TMEM126A: variants seen among roughly 807,000 people sequenced by gnomAD.
TMEM126A encodes the protein optic atrophy 7.
Under a neutral mutation model 18.3 loss-of-function variants are expected in TMEM126A, and 10 were observed. The observed-to-expected ratio is 0.55, with a 90% CI of 0.34 to 0.93. The LOEUF (loss-of-function observed/expected upper bound fraction) is 0.93, where lower values mean the gene tolerates loss of function less well. Among genes scored for constraint, TMEM126A ranks in the 40% least tolerant of loss-of-function variants. TMEM126A has a pLI of 0.02. For missense variants in TMEM126A, 246 were observed against 230.2 expected (o/e 1.07, Z -0.44); for synonymous variants, 68 against 78.1 (o/e 0.87, Z 0.68).
chr11:85,655,498 A>C, intron 3 of TMEM126A, 96 bp from the exon 4 acceptor site: 1 of 929,934 alleles, frequency 1.1e-6, no homozygotes, highest in Non-Finnish European at 1.8e-6. Context: ...ATTACCTGAA[A>C]AATACCTGTG....
intron 3 of TMEM126A, chr11:85,655,324 A>G (rs968021480): frequency 5.5e-6 from 2 of 363,626 alleles, no homozygotes; most frequent in South Asian, 2.6e-5. Context: ...AACAAGGCAG[A>G]AAGCTAGCAG....
intron 3 of TMEM126A, 38 bp from the exon 4 acceptor site, chr11:85,655,556 A>G: frequency 6.9e-7 from 1 of 1,445,352 alleles, no homozygotes; most frequent in South Asian, 1.1e-5. Context: ...TTGCTTGACT[A>G]TCATGACCTT....
At chr11:85,651,992 T>C (rs1347187320) in intron 2 of TMEM126A, among the ~76,000 whole-genome samples, 1 of 152,146 alleles carries the variant, frequency 6.6e-6, no homozygotes, top group African/African-American at 2.4e-5. Context: ...GGCGAAACCC[T>C]ATCTCTACTA....
Position 85,656,448 on chromosome 11 carries a change from A to G in TMEM126A, c.535A>G (p.Lys179Glu). 1 of 1,613,382 alleles carries G rather than the reference A, an allele frequency of 6.2e-7. No homozygotes were observed. The highest frequency in any genetic ancestry group is 8.5e-7 in the Non-Finnish European group (1 of 1,179,636). The change falls in exon 5 of 5, where the codon AAA (lysine) becomes GAA (glutamate). Residue 179 changes from lysine to glutamate, a missense_variant. By Grantham distance (56) the Lys-to-Glu change is moderately conservative (BLOSUM62 1). Transcript: ENST00000304511. ...AGCATACCTTGGGTCTGAACAATAT[A>G]AACTACTTATAAAGGCCCTTCAGTT... is the stretch of plus-strand genomic sequence containing the variant. ...FSAYLGSEQY[K>E]LLIKALQLSE...
intron 2 of TMEM126A, 140 bp from the exon 3 acceptor site, chr11:85,653,923 T>C (rs564035659): frequency 1.0e-6 from 1 of 979,248 alleles, no homozygotes; most frequent in South Asian, 1.4e-5. Context: ...TATAAAGCAA[T>C]TTTTAAGATT....
chr11:85,652,559 T>G (rs921432529), intron 2 of TMEM126A, among the ~76,000 whole-genome samples: 8 of 152,332 alleles, frequency 5.3e-5, no homozygotes, highest in South Asian at 4.1e-4. Context: ...CTTGTGTATG[T>G]CTTATCAAAA....
At chr11:85,649,700 A>T (rs959290196) in intron 1 of TMEM126A, among the ~76,000 whole-genome samples, 1 of 152,196 alleles carries the variant, frequency 6.6e-6, no homozygotes, top group African/African-American at 2.4e-5. Context: ...TAGCTAACCT[A>T]TGGGTACCTA....
chr11:85,648,778 G>A (rs1389968153), intron 1 of TMEM126A, among the ~76,000 whole-genome samples: 1 of 152,116 alleles, frequency 6.6e-6, no homozygotes, highest in Non-Finnish European at 1.5e-5. Context: ...TTTAAGTCTA[G>A]AGATATGGAA....
At chr11:85,648,770 TAA>T (rs1297460255) in intron 1 of TMEM126A, among the ~76,000 whole-genome samples, 1 of 152,308 alleles carries the variant, frequency 6.6e-6, no homozygotes, top group Admixed American at 6.5e-5. Context: ...AGGTTAGCTT[TAA>T]GTCTAGAGAT....
Position 85,651,048 on chromosome 11 carries a change from G to A in TMEM126A, c.86+707G>A, listed in dbSNP as rs185084075. ...CACACCACTACACCCCAGCCTGGGC[G>A]ACAAGAGTGAGGATCCGTCTCAAAA... is the stretch of plus-strand genomic sequence containing the variant. On this transcript the variant is annotated intron_variant, in intron 2 of 4. Coordinates refer to ENST00000304511, the MANE Select transcript of TMEM126A (RefSeq NM_032273.4). Among the ~76,000 whole-genome samples the A allele has an allele frequency of 3.1e-3, 328 of 107,126 alleles. 1 individual carries two copies. The highest frequency in any genetic ancestry group is 0.012 in the African/African-American group (317 of 26,518). 70.3% of individuals were successfully genotyped at this position (107,126 alleles called of 152,430 possible).
At chr11:85,651,946 C>G (rs972061783) in intron 2 of TMEM126A, among the ~76,000 whole-genome samples, 2 of 152,136 alleles carry the variant, frequency 1.3e-5, no homozygotes, top group African/African-American at 4.8e-5. Context: ...GGCTGGTCAC[C>G]TGAGGTCAGG....
At chr11:85,649,044 C>T (rs1208753098) in intron 1 of TMEM126A, among the ~76,000 whole-genome samples, 1 of 151,486 alleles carries the variant, frequency 6.6e-6, no homozygotes, top group Non-Finnish European at 1.5e-5. Flanking sequence ...AAGCGATTCT[C>T]CTGCCTCAGC....
At chr11:85,650,445 T>G in intron 2 of TMEM126A, 104 bp downstream of exon 2, 1 of 909,668 alleles carries the variant, frequency 1.1e-6, no homozygotes, top group Non-Finnish European at 1.8e-6. Flanking sequence ...ACATGGAATG[T>G]GAGAAGGAAA....
At chr11:85,655,891 T>A (rs992297542) in intron 4 of TMEM126A, among the ~76,000 whole-genome samples, 183 bp downstream of exon 4, 2 of 152,196 alleles carry the variant, frequency 1.3e-5, no homozygotes, top group Non-Finnish European at 2.9e-5. Flanking sequence ...CAAACAGTTA[T>A]ACTTGGTGTG....
At chr11:85,655,500 A>T in intron 3 of TMEM126A, 94 bp from the exon 4 acceptor site, 1 of 932,876 alleles carries the variant, frequency 1.1e-6, no homozygotes, top group Non-Finnish European at 1.8e-6. Flanking sequence ...TACCTGAAAA[A>T]TACCTGTGAT....
intron 2 of TMEM126A, among the ~76,000 whole-genome samples, chr11:85,652,059 G>A (rs921339256): frequency 2.6e-5 from 4 of 152,220 alleles, no homozygotes; most frequent in Non-Finnish European, 5.9e-5. Context: ...ACCCACTGGA[G>A]AAGCTGAGGC....
At chr11:85,655,776 T>C (rs962394337) in intron 4 of TMEM126A, 68 bp downstream of exon 4, 35 of 1,226,692 alleles carry the variant, frequency 2.9e-5, no homozygotes, top group Non-Finnish European at 4.0e-5. Context: ...GCAGCAAATA[T>C]ATTTTGTTTT....
At chr11:85,653,591 A>G (rs2082516739) in intron 2 of TMEM126A, among the ~76,000 whole-genome samples, 1 of 152,202 alleles carries the variant, frequency 6.6e-6, no homozygotes, top group Non-Finnish European at 1.5e-5. Flanking sequence ...TTTCTCATCA[A>G]TGGGTTGTTA....
Position 85,656,334 on chromosome 11 carries a change from A to G in TMEM126A, c.421A>G (p.Lys141Glu), listed in dbSNP as rs759368681. ...ARYQSALLPH[K>E]GNILSYWIRT... ...GTATCAATCAGCTCTGTTACCACAC[A>G]AAGGGAACATCTTAAGTTACTGGAT... The change falls in exon 5 of 5, where the codon AAA (lysine) becomes GAA (glutamate). Residue 141 changes from lysine (K) to glutamate (E), a missense_variant. Coordinates refer to ENST00000304511, the MANE Select transcript of TMEM126A (RefSeq NM_032273.4). 6.2e-7 allele frequency: 1 copy of G among 1,611,976 alleles called. No homozygotes were observed. The highest frequency in any genetic ancestry group is 8.5e-7 in the Non-Finnish European group (1 of 1,179,508).
Sources: allele counts gnomAD v4.1 joint callset (sites outside exome capture counted in the v4.1 genomes callset), GRCh38; gene constraint gnomAD v4.1.1; transcripts MANE v1.5; gene names NCBI Gene and HGNC (gene_info 2026-07-23, HGNC 2026-07-21).